The following AGBL1 variants were observed in gnomAD, a reference collection of about 807,000 sequenced individuals.
AGBL1 encodes cytosolic carboxypeptidase 4.
In AGBL1, 130 loss-of-function variants were observed where a neutral mutation model predicts 118.9. That is an observed-to-expected ratio of 1.09 (90% CI 0.95 to 1.26). The LOEUF (loss-of-function observed/expected upper bound fraction) is 1.26, where lower values mean the gene tolerates loss of function less well. Ranked by LOEUF, AGBL1 falls within the 50% of genes most tolerant of loss-of-function variation. The probability of loss-of-function intolerance (pLI) is 0.00; values close to 1 mark genes in which losing one functional copy is unlikely to be tolerated. For synonymous variants in AGBL1, 555 were observed against 478.9 expected (o/e 1.16, Z -2.08); for missense variants, 1,584 against 1,298.1 (o/e 1.22, Z -3.38).
intron 21 of AGBL1, among the ~76,000 whole-genome samples, chr15:86,566,473 C>T (rs577660811): frequency 6.6e-6 from 1 of 152,080 alleles, no homozygotes; most frequent in South Asian, 2.1e-4. Flanking sequence ...AGTGGCAGCT[C>T]TCCATCAGCA....
chr15:86,085,322 A>G (rs1895570164), intron 1 of AGBL1, among the ~76,000 whole-genome samples: 1 of 152,108 alleles, frequency 6.6e-6, no homozygotes, highest in Non-Finnish European at 1.5e-5. Context: ...GGGATTTGTC[A>G]TGGCATGGAG....
At chr15:86,681,357 G>A (rs2085952742) in intron 22 of AGBL1, among the ~76,000 whole-genome samples, 1 of 151,930 alleles carries the variant, frequency 6.6e-6, no homozygotes, top group Non-Finnish European at 1.5e-5. Flanking sequence ...TTGTACTATT[G>A]CCAGCTCACT....
rs1159408579 is a variant in AGBL1 at position 86,351,055 on chromosome 15, A to G, written c.2375-46311A>G. 2.0e-5 allele frequency among the ~76,000 whole-genome samples: 3 copies of G among 152,244 alleles called. No individual in the cohort carries two copies. The South Asian group carries it at 6.2e-4, about 31-fold the overall frequency. ...GGTCTGACCTAAGCACTTTGTGCAT[A>G]GTTATGCCAGACCTACTGTCTTAGT... On this transcript the variant is annotated intron_variant, in intron 17 of 22. Coordinates refer to ENST00000614907, the MANE Select transcript of AGBL1 (RefSeq NM_001386094.1).
chr15:87,002,565 G>A (rs1292969665), intron 24 of AGBL1, among the ~76,000 whole-genome samples: 3 of 152,032 alleles, frequency 2.0e-5, no homozygotes, highest in Non-Finnish European at 4.4e-5. Context: ...AAATTACCTT[G>A]GGCAGTATGG....
At chr15:86,893,896 A>G (rs997339669) in intron 22 of AGBL1, among the ~76,000 whole-genome samples, 10 of 152,204 alleles carry the variant, frequency 6.6e-5, no homozygotes, top group African/African-American at 2.4e-4. Context: ...AAGAAAAACA[A>G]TAAGATTCCC....
At chr15:87,010,681 C>T (rs2081550271) in intron 24 of AGBL1, among the ~76,000 whole-genome samples, 1 of 152,216 alleles carries the variant, frequency 6.6e-6, no homozygotes, top group Non-Finnish European at 1.5e-5. Context: ...CCATTACCTT[C>T]TCTGGTTCTG....
At chr15:86,397,570 C>T in intron 18 of AGBL1, 24 bp downstream of exon 18, 1 of 1,582,818 alleles carries the variant, frequency 6.3e-7, no homozygotes, top group Non-Finnish European at 8.6e-7. Context: ...CTGGCTCAGC[C>T]AAACCCACAA....
At chr15:86,214,402 G>A (rs1481571683) in intron 5 of AGBL1, among the ~76,000 whole-genome samples, 1 of 152,100 alleles carries the variant, frequency 6.6e-6, no homozygotes, top group African/African-American at 2.4e-5. Flanking sequence ...ATTCTATTTT[G>A]CATATATATG....
chr15:86,820,028 A>G (rs1317216773), intron 22 of AGBL1, among the ~76,000 whole-genome samples: 2 of 151,884 alleles, frequency 1.3e-5, no homozygotes, highest in Admixed American at 6.6e-5. Context: ...CCTGACAAAA[A>G]CAAGCAATGG....
At chr15:86,287,988 C>T (rs1672319457) in intron 16 of AGBL1, among the ~76,000 whole-genome samples, 1 of 152,164 alleles carries the variant, frequency 6.6e-6, no homozygotes, top group African/African-American at 2.4e-5. Flanking sequence ...TTTAACTCAA[C>T]ATTTTCTAAG....
chr15:86,206,758 G>T (rs936660073), intron 5 of AGBL1, among the ~76,000 whole-genome samples: 1 of 152,156 alleles, frequency 6.6e-6, no homozygotes, highest in Non-Finnish European at 1.5e-5. Flanking sequence ...CATTCTGTAG[G>T]TTGCCTGTTC....
At chr15:86,451,136 G>A (rs1158259825) in intron 18 of AGBL1, among the ~76,000 whole-genome samples, 3 of 152,164 alleles carry the variant, frequency 2.0e-5, no homozygotes, top group Non-Finnish European at 4.4e-5. Flanking sequence ...TATGCCTTGA[G>A]ATTATGTTTT....
chr15:86,811,270 T>C (rs1367794353), intron 22 of AGBL1, among the ~76,000 whole-genome samples: 1 of 152,124 alleles, frequency 6.6e-6, no homozygotes, highest in African/African-American at 2.4e-5. Flanking sequence ...CAGAGCTGAG[T>C]TTTTGAAATA....
chr15:86,794,677 A>G (rs541770135), intron 22 of AGBL1, among the ~76,000 whole-genome samples: 4 of 152,202 alleles, frequency 2.6e-5, no homozygotes, highest in South Asian at 2.1e-4. Context: ...TACTGCTTCT[A>G]TATCAGTGTA....
chr15:86,995,392 A>C (rs763355626), intron 24 of AGBL1, among the ~76,000 whole-genome samples: 8 of 152,136 alleles, frequency 5.3e-5, no homozygotes, highest in Non-Finnish European at 1.2e-4. Flanking sequence ...TCTCAAAAAT[A>C]AATAAGTAAA....
intron 18 of AGBL1, among the ~76,000 whole-genome samples, chr15:86,478,847 A>G (rs2082602144): frequency 6.6e-6 from 1 of 152,256 alleles, no homozygotes; most frequent in African/African-American, 2.4e-5. Context: ...ACAAGGCTAC[A>G]GTAACCAAAA....
In AGBL1 at chr15:86,264,244, T is replaced by C; in HGVS notation, c.1087-14T>C. 6.4e-7 allele frequency: 1 copy of C among 1,553,034 alleles called. No individual in the cohort carries two copies. Among genetic ancestry groups the C allele is most frequent in the Non-Finnish European group, 8.7e-7 (1 of 1,146,628 alleles). On this transcript the variant is annotated splice_polypyrimidine_tract_variant and intron_variant, in intron 10 of 22. Transcript: ENST00000614907. Reference sequence around the variant, plus strand: ...GGACACACTAACATATTGTATTCCATTTTGAACCTGAAGGAACTGCAGTCC... The same window carrying C: ...GGACACACTAACATATTGTATTCCACTTTGAACCTGAAGGAACTGCAGTCC...
intron 17 of AGBL1, chr15:86,316,801 T>C (rs184614599): frequency 6.6e-6 from 1 of 152,442 alleles, no homozygotes; most frequent in East Asian, 1.9e-4. Flanking sequence ...TCCAGTGATT[T>C]GGCCAAGTCA....
intron 22 of AGBL1, among the ~76,000 whole-genome samples, chr15:86,785,806 A>C (rs1364271062): frequency 6.6e-6 from 1 of 152,208 alleles, no homozygotes; most frequent in Non-Finnish European, 1.5e-5. Flanking sequence ...AAGAGAACTG[A>C]GTTATAGGGC....
Sources: allele counts gnomAD v4.1 joint callset (sites outside exome capture counted in the v4.1 genomes callset), GRCh38; gene constraint gnomAD v4.1.1; transcripts MANE v1.5; gene names NCBI Gene and HGNC (gene_info 2026-07-23, HGNC 2026-07-21).